Variants in SPAST observed in about 807,000 individuals in gnomAD.
SPAST encodes the protein spastin, also known as spastic paraplegia 4 (autosomal dominant; spastin).
In SPAST, 30 loss-of-function variants were observed where a neutral mutation model predicts 76.6. That is an observed-to-expected ratio of 0.39 (90% confidence interval 0.29 to 0.53). SPAST has a LOEUF of 0.53. SPAST is among the 20% of genes least tolerant of loss of function. SPAST has a pLI of 0.68. For synonymous variants in SPAST, 305 were observed against 281.0 expected, an observed-to-expected ratio of 1.09 and a Z score of -0.86; for missense variants, 717 against 770.5, an observed-to-expected ratio of 0.93 and a Z score of 0.82.
intron 7 of SPAST, among the ~76,000 whole-genome samples, chr2:32,126,239 CA>C (rs1425808567): frequency 1.3e-5 from 2 of 152,162 alleles, no homozygotes; most frequent in African/African-American, 4.8e-5. Flanking sequence ...CACAAGTAGG[CA>C]TTTAGGTTTT....
intron 1 of SPAST, among the ~76,000 whole-genome samples, chr2:32,067,531 G>C (rs1488981034): frequency 6.6e-6 from 1 of 152,014 alleles, no homozygotes; most frequent in Non-Finnish European, 1.5e-5. Context: ...TCAGACCTCA[G>C]GTCTCAGGCT....
intron 1 of SPAST, among the ~76,000 whole-genome samples, chr2:32,071,985 C>T (rs932968829): frequency 5.3e-5 from 8 of 152,104 alleles, no homozygotes; most frequent in Admixed American, 6.6e-5. Context: ...CTTTGCAGGG[C>T]CATTTCAGAA....
At chr2:32,105,740 T>A (rs1332834132) in intron 4 of SPAST, among the ~76,000 whole-genome samples, 1 of 152,214 alleles carries the variant, frequency 6.6e-6, no homozygotes, top group Non-Finnish European at 1.5e-5. Flanking sequence ...AGACCCTGTT[T>A]GCCTGGGTAT....
At chr2:32,151,135 G>T (rs938074187) in intron 16 of SPAST, among the ~76,000 whole-genome samples, 2 of 151,958 alleles carry the variant, frequency 1.3e-5, no homozygotes, top group African/African-American at 2.4e-5. Flanking sequence ...TAGAGACGGG[G>T]TTTCACTATG....
intron 7 of SPAST, chr2:32,126,615 G>A (rs1679202339): frequency 5.3e-6 from 1 of 188,772 alleles, no homozygotes; most frequent in African/African-American, 2.4e-5. Flanking sequence ...TGAATAGCTG[G>A]GAGCTCAGGT....
intron 1 of SPAST, among the ~76,000 whole-genome samples, chr2:32,067,689 C>G (rs1423265697): frequency 6.7e-6 from 1 of 150,076 alleles, no homozygotes; most frequent in East Asian, 1.9e-4. Flanking sequence ...CTCTCTTACC[C>G]AAGCTGGAGT....
chr2:32,099,532 CT>C (rs886194986), intron 4 of SPAST, among the ~76,000 whole-genome samples: 7 of 151,140 alleles, frequency 4.6e-5, no homozygotes, highest in African/African-American at 1.5e-4. Context: ...TTAATTAAAA[CT>C]TTTTTTTTAG....
At chr2:32,107,361 C>T (rs1202451035) in intron 4 of SPAST, among the ~76,000 whole-genome samples, 3 of 152,088 alleles carry the variant, frequency 2.0e-5, no homozygotes, top group African/African-American at 7.2e-5. Flanking sequence ...AAGCGATTCT[C>T]CCACTTCATC....
intron 4 of SPAST, among the ~76,000 whole-genome samples, chr2:32,099,956 T>TAGTGCTGC (rs56229323): frequency 0.41 from 62,818 of 151,400 alleles, 13,263 homozygotes; most frequent in East Asian, 0.64. Context: ...CTGTTGTGAA[T>TAGTGCTGC]AGTGCTGCAG....
intron 9 of SPAST, chr2:32,128,872 T>A (rs973581199): frequency 1.5e-5 from 4 of 266,586 alleles, no homozygotes; most frequent in Non-Finnish European, 2.9e-5. Flanking sequence ...ATCTTTTGTA[T>A]TCCTTGGCTT....
intron 4 of SPAST, among the ~76,000 whole-genome samples, chr2:32,101,378 G>C (rs752129964): frequency 1.5e-3 from 226 of 152,198 alleles, no homozygotes; most frequent in Non-Finnish European, 2.8e-3. Flanking sequence ...TGTCAGATGG[G>C]TAGATTGCAA....
chr2:32,096,031 T>G lies in SPAST; in HGVS notation c.587-2765T>G, dbSNP rs1468958799. ...CTCCAGTAGATCACTCAGATGACTG[T>G]GGGGGTTGGATGTGAGGAGGTAAAG... On this transcript the variant is annotated intron_variant, in intron 3 of 16. Coordinates refer to ENST00000315285, the MANE Select transcript of SPAST (RefSeq NM_014946.4). Among the ~76,000 whole-genome samples, 4 of 152,262 alleles carry G rather than the reference T, an allele frequency of 2.6e-5. No individual in the cohort carries two copies. The South Asian group carries it at 6.2e-4, about 24-fold the overall frequency.
chr2:32,087,476 A>AT lies in SPAST; in HGVS notation c.416-10dup. 6.6e-7 allele frequency: 1 copy of AT among 1,521,286 alleles called. No individual in the cohort carries two copies. Among genetic ancestry groups the AT allele is most frequent in the Non-Finnish European group, 9.1e-7 (1 of 1,098,020 alleles). The allele number at this position is 1,521,286 out of a possible 1,614,324, so 94.2% of individuals were successfully genotyped here. On this transcript the variant is annotated splice_polypyrimidine_tract_variant and intron_variant, in intron 1 of 16. Transcript: ENST00000315285. Reference sequence around the variant, plus strand: ...ACTCTTCATACGATCTATACAAATAATTTTTTATTTTAAAGCAGGACAGAA... The same window carrying AT: ...ACTCTTCATACGATCTATACAAATAATTTTTTTATTTTAAAGCAGGACAGAA...
At chr2:32,107,396 C>A (rs928762074) in intron 4 of SPAST, among the ~76,000 whole-genome samples, 2 of 152,060 alleles carry the variant, frequency 1.3e-5, no homozygotes, top group African/African-American at 4.8e-5. Flanking sequence ...GGACTACAGG[C>A]ACCTGCCACC....
chr2:32,115,441 A>G (rs898049696), intron 5 of SPAST, among the ~76,000 whole-genome samples: 10 of 152,144 alleles, frequency 6.6e-5, no homozygotes, highest in African/African-American at 2.2e-4. Context: ...TTTTGTCATG[A>G]TTCTAACAAG....
intron 1 of SPAST, among the ~76,000 whole-genome samples, chr2:32,077,214 G>A (rs905793685): frequency 2.0e-5 from 3 of 152,060 alleles, no homozygotes; most frequent in African/African-American, 7.2e-5. Flanking sequence ...TGCTAATTTT[G>A]TCACTTGCAA....
intron 7 of SPAST, among the ~76,000 whole-genome samples, chr2:32,119,612 A>G (rs1678950389): frequency 6.6e-6 from 1 of 152,212 alleles, no homozygotes; most frequent in Non-Finnish European, 1.5e-5. Flanking sequence ...AAACTTCTCC[A>G]TCTTCCTTCA....
At chr2:32,089,193 C>T (rs940863035) in intron 2 of SPAST, among the ~76,000 whole-genome samples, 19 of 96,742 alleles carry the variant, frequency 2.0e-4, no homozygotes, top group African/African-American at 7.4e-4. Context: ...CTCCCATGCT[C>T]GGCTAATTTT....
chr2:32,091,295 A>G (rs997600842), intron 3 of SPAST, among the ~76,000 whole-genome samples: 1 of 113,188 alleles, frequency 8.8e-6, no homozygotes, highest in Non-Finnish European at 1.9e-5. Context: ...TATTATTATT[A>G]TTCGAGATGG....
Sources: allele counts gnomAD v4.1 joint callset (sites outside exome capture counted in the v4.1 genomes callset), GRCh38; gene constraint gnomAD v4.1.1; transcripts MANE v1.5; gene names NCBI Gene and HGNC (gene_info 2026-07-23, HGNC 2026-07-21).